Variants in DDX60L observed in about 807,000 individuals in gnomAD.
The protein encoded by DDX60L is DExD/H-box 60 like.
DDX60L carries 191 observed loss-of-function variants against 211.6 expected under a neutral mutation model. The observed-to-expected ratio is 0.90, with a 90% confidence interval of 0.80 to 1.02. The LOEUF (loss-of-function observed/expected upper bound fraction) is 1.02, where lower values mean the gene tolerates loss of function less well. Among genes scored for constraint, DDX60L ranks in the 50% least tolerant of loss-of-function variants. The pLI, the probability that DDX60L is intolerant of heterozygous loss-of-function variation, is 0.00. For missense variants in DDX60L, 2,007 were observed against 1,984.1 expected, an observed-to-expected ratio of 1.01 and a Z score of -0.22; for synonymous variants, 706 against 694.1, an observed-to-expected ratio of 1.02 and a Z score of -0.27.
At chr4:168,424,951 A>C (rs1751223505) in intron 14 of DDX60L, among the ~76,000 whole-genome samples, 1 of 152,218 alleles carries the variant, frequency 6.6e-6, no homozygotes, top group Admixed American at 6.5e-5. Context: ...CTTCCATAGA[A>C]GAAATACAGC....
At chr4:168,374,463 C>T (rs781079571) in intron 34 of DDX60L, among the ~76,000 whole-genome samples, 1 of 152,096 alleles carries the variant, frequency 6.6e-6, no homozygotes, top group Non-Finnish European at 1.5e-5. Flanking sequence ...AAAAGTTTCC[C>T]GCTATAAAAT....
chr4:168,419,524 G>T, intron 18 of DDX60L, 127 bp from the exon 19 acceptor site: 1 of 543,346 alleles, frequency 1.8e-6, no homozygotes, highest in Admixed American at 3.6e-5. Context: ...TTGCATCTTT[G>T]ACGTTTTTCA....
At chr4:168,424,104 C>T (rs192383760) in intron 14 of DDX60L, among the ~76,000 whole-genome samples, 4 of 152,292 alleles carry the variant, frequency 2.6e-5, no homozygotes, top group African/African-American at 4.8e-5. Context: ...AGAAAAATAA[C>T]ACAATAACCC....
At position 168,461,055 on chromosome 4, in the gene DDX60L, A is replaced by G. The variant is rs550079704; in HGVS notation, c.606+644T>C. On this transcript the variant is annotated intron_variant, in intron 5 of 37. Transcript: ENST00000682922. ...GACTTCCCAACCTGGGAGTTGAACAAACCTCACTGTTCGAGAGTTTTTATA... is the reference window on the plus strand; with the variant it reads ...GACTTCCCAACCTGGGAGTTGAACAGACCTCACTGTTCGAGAGTTTTTATA... Among the ~76,000 whole-genome samples, 8 of 152,210 alleles carry G rather than the reference A, an allele frequency of 5.3e-5. No homozygotes were observed. The East Asian group carries it at 1.5e-3, about 29-fold the overall frequency.
chr4:168,394,753 C>T (rs1745475876), intron 27 of DDX60L, 136 bp from the exon 28 acceptor site: 2 of 725,434 alleles, frequency 2.8e-6, no homozygotes, highest in Non-Finnish European at 4.3e-6. Flanking sequence ...GACCCTGAAC[C>T]TACATGTTTT....
chr4:168,412,190 C>T (rs1748792703), intron 22 of DDX60L, among the ~76,000 whole-genome samples: 1 of 151,756 alleles, frequency 6.6e-6, no homozygotes, highest in Non-Finnish European at 1.5e-5. Context: ...GAGACTACTT[C>T]TGCTTGAAGA....
intron 19 of DDX60L, among the ~76,000 whole-genome samples, chr4:168,417,246 G>A (rs1050889293): frequency 6.6e-6 from 1 of 152,130 alleles, no homozygotes; most frequent in Non-Finnish European, 1.5e-5. Context: ...ACCACAAGCT[G>A]CTTAACTGGA....
chr4:168,459,598 A>G (rs1757032143), intron 5 of DDX60L, among the ~76,000 whole-genome samples: 1 of 152,080 alleles, frequency 6.6e-6, no homozygotes, highest in South Asian at 2.1e-4. Flanking sequence ...CTAAGAATAC[A>G]AAAATTAGCC....
intron 17 of DDX60L, among the ~76,000 whole-genome samples, chr4:168,420,609 C>T (rs1010771217): frequency 2.0e-5 from 2 of 102,462 alleles, no homozygotes; most frequent in African/African-American, 8.4e-5. Context: ...AACACACACA[C>T]ACATACACAC....
chr4:168,475,550 C>T (rs1206209755), intron 1 of DDX60L, among the ~76,000 whole-genome samples: 1 of 151,536 alleles, frequency 6.6e-6, no homozygotes, highest in Non-Finnish European at 1.5e-5. Context: ...AATGTAAATG[C>T]TTTGAACATT....
At chr4:168,390,389 T>C (rs1475019664) in intron 29 of DDX60L, 13 of 1,246,698 alleles carry the variant, frequency 1.0e-5, no homozygotes, top group Non-Finnish European at 1.3e-5. Context: ...GGTGATATGG[T>C]CTATAGCTAT....
At chr4:168,387,425 A>G (rs1744095190) in intron 29 of DDX60L, among the ~76,000 whole-genome samples, 1 of 152,262 alleles carries the variant, frequency 6.6e-6, no homozygotes, top group Non-Finnish European at 1.5e-5. Context: ...TTTGCAAACA[A>G]AGGATCTGAT....
At chr4:168,390,527 T>G in intron 29 of DDX60L, 2 of 1,424,182 alleles carry the variant, frequency 1.4e-6, no homozygotes, top group Non-Finnish European at 1.8e-6. Context: ...AGAGTTCACA[T>G]GATCTAAATT....
intron 26 of DDX60L, 24 bp downstream of exon 26, chr4:168,400,798 ATTTG>A: frequency 6.3e-7 from 1 of 1,575,578 alleles, no homozygotes; most frequent in Non-Finnish European, 8.6e-7. Context: ...TCAGGGGCCA[ATTTG>A]TTTAAGTAAA....
chr4:168,420,488 A>G, intron 17 of DDX60L, 108 bp from the exon 18 acceptor site: 1 of 575,772 alleles, frequency 1.7e-6, no homozygotes, highest in Non-Finnish European at 2.7e-6. Context: ...ACACACACAC[A>G]CACACACACA....
In DDX60L at chr4:168,384,699, T is replaced by A. The variant is rs1180036925; in HGVS notation, c.4029A>T (p.Arg1343Ser). ...GGGTTATGCTGAGAGGGAACTGTCCTCTCAGCTCAGGAACACTGGATGCAA... is the reference window on the plus strand; with the variant it reads ...GGGTTATGCTGAGAGGGAACTGTCCACTCAGCTCAGGAACACTGGATGCAA... ...RLLASSVPEL[R>S]GQFPLSITLV... The change falls in exon 30 of 38, where the codon AGA becomes AGT. Residue 1343 changes from arginine (R) to serine (S), a missense_variant. Transcript: ENST00000682922. The A allele has an allele frequency of 6.2e-7, 1 of 1,613,898 alleles. No individual in the cohort carries two copies. The highest frequency in any genetic ancestry group is 1.1e-5 in the South Asian group (1 of 91,082).
At position 168,380,711 on chromosome 4, in the gene DDX60L, G is replaced by A. The variant is rs549155709; in HGVS notation, c.4117-881C>T. 1.8e-4 allele frequency: 27 copies of A among 152,338 alleles called. 1 individual carries two copies. The highest frequency in any genetic ancestry group is 1.6e-3 in the Admixed American group (25 of 15,280). The allele number at this position is 152,338 out of a possible 1,614,324, so 9.4% of individuals were successfully genotyped here. Reference sequence around the variant, plus strand: ...TAAAGATATCTGAAAATGTGGAAGCGATTTTGGAACTGCATAGTGGACAGA... The same window carrying A: ...TAAAGATATCTGAAAATGTGGAAGCAATTTTGGAACTGCATAGTGGACAGA... On this transcript the variant is annotated intron_variant, in intron 30 of 37. Transcript: ENST00000682922.
At chr4:168,477,733 T>C (rs1036219648) in intron 1 of DDX60L, among the ~76,000 whole-genome samples, 2 of 152,186 alleles carry the variant, frequency 1.3e-5, no homozygotes, top group Non-Finnish European at 2.9e-5. Flanking sequence ...AAGCAAAATA[T>C]CTGGTAAAAA....
Position 168,477,334 on chromosome 4 carries a change from A to G in DDX60L, c.-111+3043T>C, listed in dbSNP as rs534591888. ...GGAGGCTGAGGCAGGAGAATGGCAT[A>G]AACCTGGGAGGCGGAGCTTGCAGTG... is the stretch of plus-strand genomic sequence containing the variant. On this transcript the variant is annotated intron_variant, in intron 1 of 37. Coordinates refer to ENST00000682922, the MANE Select transcript of DDX60L (RefSeq NM_001012967.3). Among the ~76,000 whole-genome samples, 6 of 151,922 alleles carry G rather than the reference A, an allele frequency of 3.9e-5. No individual in the cohort carries two copies. The East Asian group carries it at 5.8e-4, about 15-fold the overall frequency.
Sources: gnomAD v4.1 joint callset for allele counts (sites outside exome capture counted in the v4.1 genomes callset) on GRCh38, gnomAD v4.1.1 for gene constraint, MANE v1.5 for transcripts, NCBI Gene and HGNC (gene_info 2026-07-23, HGNC 2026-07-21) for gene names.